CCDC85A: variants seen among roughly 807,000 people sequenced by gnomAD.
CCDC85A encodes coiled-coil domain containing 85A.
CCDC85A carries 38 observed loss-of-function variants against 50.2 expected under a neutral mutation model. The observed-to-expected ratio is 0.76, with a 90% CI of 0.58 to 0.99. CCDC85A has a LOEUF of 0.99. CCDC85A is among the 50% of genes least tolerant of loss of function. The pLI, the probability that CCDC85A is intolerant of heterozygous loss-of-function variation, is 0.00. For synonymous variants in CCDC85A, 366 were observed against 301.4 expected (o/e 1.21, Z -2.22); for missense variants, 820 against 742.0 (o/e 1.11, Z -1.22).
At chr2:56,368,844 A>G (rs1558662446) in intron 3 of CCDC85A, among the ~76,000 whole-genome samples, 1 of 151,928 alleles carries the variant, frequency 6.6e-6, no homozygotes, top group Non-Finnish European at 1.5e-5. Flanking sequence ...ATGTACATAT[A>G]TGTATATGTA....
At chr2:56,225,203 T>A in intron 2 of CCDC85A, among the ~76,000 whole-genome samples, 1 of 152,036 alleles carries the variant, frequency 6.6e-6, no homozygotes, top group East Asian at 1.9e-4. Context: ...GGTGGGCAGA[T>A]CACGAGGTCA....
chr2:56,365,078 C>T (rs1409520895), intron 3 of CCDC85A, among the ~76,000 whole-genome samples: 1 of 152,182 alleles, frequency 6.6e-6, no homozygotes, highest in East Asian at 1.9e-4. Context: ...TTTTGCTACT[C>T]TGGGCCTCAT....
In CCDC85A at chr2:56,362,011, G is replaced by A. The variant is rs531232931; in HGVS notation, c.1318-10333G>A. Among the ~76,000 whole-genome samples the A allele has an allele frequency of 2.0e-5, 3 of 152,200 alleles. No homozygotes were observed. The South Asian group carries it at 6.2e-4, about 32-fold the overall frequency. On this transcript the variant is annotated intron_variant, in intron 3 of 5. Transcript: ENST00000407595. ...TGAGGAGGGGTTAGACTCACAGTGTGTTTTCAAGTAGAGCTAAGGGTGCTT... is the reference window on the plus strand; with the variant it reads ...TGAGGAGGGGTTAGACTCACAGTGTATTTTCAAGTAGAGCTAAGGGTGCTT...
At chr2:56,351,304 A>G (rs1305305236) in intron 3 of CCDC85A, among the ~76,000 whole-genome samples, 1 of 151,908 alleles carries the variant, frequency 6.6e-6, no homozygotes, top group African/African-American at 2.4e-5. Context: ...TAGTGCCGCA[A>G]TAAACATACG....
At chr2:56,346,492 T>C (rs569971608) in intron 3 of CCDC85A, among the ~76,000 whole-genome samples, 49 of 152,316 alleles carry the variant, frequency 3.2e-4, no homozygotes, top group African/African-American at 1.2e-3. Context: ...TGATGGAGCC[T>C]CTGTACAGCC....
chr2:56,347,169 A>G (rs188758832), intron 3 of CCDC85A, among the ~76,000 whole-genome samples: 2 of 152,208 alleles, frequency 1.3e-5, no homozygotes, highest in African/African-American at 4.8e-5. Flanking sequence ...AGAATCATCA[A>G]TTTCCAGAGC....
In CCDC85A at chr2:56,192,595, A is replaced by G; in HGVS notation, c.395A>G (p.Tyr132Cys). The change falls in exon 2 of 6, where the codon TAC becomes TGC. Residue 132 changes from tyrosine (Y) to cysteine (C), a missense_variant. Tyr to Cys is a radical substitution (Grantham distance 194). Transcript: ENST00000407595. The surrounding 1 kb of genome is among the most constrained non-coding windows in gnomAD (Gnocchi z 4.7). Reference protein sequence around the residue: ...VSREWQRLGRYTAGVMHKEVA... With the variant: ...VSREWQRLGRCTAGVMHKEVA... ...CGGGAGTGGCAGAGACTGGGTCGCT[A>G]CACTGCCGGGGTGATGCACAAGGAA... 1 of 1,613,898 alleles carries G rather than the reference A, an allele frequency of 6.2e-7. No individual in the cohort carries two copies. Among genetic ancestry groups the G allele is most frequent in the Non-Finnish European group, 8.5e-7 (1 of 1,179,844 alleles).
At chr2:56,370,135 T>C (rs1676001459) in intron 3 of CCDC85A, among the ~76,000 whole-genome samples, 1 of 152,144 alleles carries the variant, frequency 6.6e-6, no homozygotes, top group Non-Finnish European at 1.5e-5. Flanking sequence ...AGTGACGATC[T>C]TAAGACTGTT....
chr2:56,208,075 A>G (rs1444206305), intron 2 of CCDC85A, among the ~76,000 whole-genome samples: 1 of 152,142 alleles, frequency 6.6e-6, no homozygotes, highest in Non-Finnish European at 1.5e-5. Context: ...TTATAAAAAT[A>G]TGTTATATTG....
chr2:56,344,772 A>C (rs1674551008), intron 3 of CCDC85A, among the ~76,000 whole-genome samples: 1 of 152,128 alleles, frequency 6.6e-6, no homozygotes, highest in South Asian at 2.1e-4. Flanking sequence ...TACAAAATCT[A>C]GTTAGTTTAT....
At chr2:56,330,844 C>A (rs538852432) in intron 2 of CCDC85A, among the ~76,000 whole-genome samples, 1 of 152,204 alleles carries the variant, frequency 6.6e-6, no homozygotes, top group East Asian at 1.9e-4. Flanking sequence ...AATAGAACTA[C>A]CATTTGATCT....
chr2:56,377,956 G>A (rs1573374185), intron 5 of CCDC85A, among the ~76,000 whole-genome samples: 1 of 152,022 alleles, frequency 6.6e-6, no homozygotes, highest in East Asian at 1.9e-4. Flanking sequence ...GTACACATAA[G>A]TGTCCTTGGT....
intron 2 of CCDC85A, among the ~76,000 whole-genome samples, chr2:56,210,325 G>C (rs1000329213): frequency 9.2e-5 from 14 of 152,076 alleles, no homozygotes; most frequent in African/African-American, 3.4e-4. Flanking sequence ...TGGTAAACTG[G>C]AAGGTCACCT....
chr2:56,375,780 T>C, intron 4 of CCDC85A, 36 bp from the exon 5 acceptor site: 1 of 1,607,422 alleles, frequency 6.2e-7, no homozygotes, highest in Non-Finnish European at 8.5e-7. Flanking sequence ...TAAACGACTT[T>C]TGTTTTAATA....
intron 5 of CCDC85A, among the ~76,000 whole-genome samples, chr2:56,381,287 C>T (rs1175750512): frequency 6.6e-6 from 1 of 152,000 alleles, no homozygotes; most frequent in South Asian, 2.1e-4. Flanking sequence ...GAATATTTCC[C>T]TCAGATAAAT....
rs147122041 is a variant in CCDC85A, at chr2:56,253,848, G to A, written c.1240+60408G>A. Among the ~76,000 whole-genome samples the A allele has an allele frequency of 7.9e-5, 12 of 152,268 alleles. No individual in the cohort carries two copies. The East Asian group carries it at 2.3e-3, about 29-fold the overall frequency. On this transcript the variant is annotated intron_variant, in intron 2 of 5. Coordinates refer to ENST00000407595, the MANE Select transcript of CCDC85A (RefSeq NM_001080433.2). ...GGGATGCCAGTTGCTGAGATTGTGT[G>A]CTAGCTTAAATAAAATGTTTCCTCA... is the stretch of plus-strand genomic sequence containing the variant.
intron 2 of CCDC85A, among the ~76,000 whole-genome samples, chr2:56,253,942 A>G (rs1302816367): frequency 6.6e-6 from 1 of 152,122 alleles, no homozygotes; most frequent in Non-Finnish European, 1.5e-5. Flanking sequence ...ATTGGCTTTG[A>G]TGGCTATGAG....
chr2:56,252,639 C>G (rs967019575), intron 2 of CCDC85A, among the ~76,000 whole-genome samples: 2 of 152,022 alleles, frequency 1.3e-5, no homozygotes, highest in African/African-American at 4.8e-5. Flanking sequence ...GTTTGCTGCA[C>G]CCATCAACCC....
rs574669424 is a variant in CCDC85A, at chr2:56,330,438, T to C, written c.1241-12441T>C. ...AGAAATTTAACTGCATCTTGAATAA[T>C]TGCTTCAAACTGTCCTGGGAGCACA... On this transcript the variant is annotated intron_variant, in intron 2 of 5. Coordinates refer to ENST00000407595, the MANE Select transcript of CCDC85A (RefSeq NM_001080433.2). Among the ~76,000 whole-genome samples the C allele has an allele frequency of 4.6e-5, 7 of 152,318 alleles. No homozygotes were observed. In the East Asian group the frequency reaches 1.3e-3, roughly 29 times the overall value.
Sources: gnomAD v4.1 joint callset for allele counts (sites outside exome capture counted in the v4.1 genomes callset) on GRCh38, gnomAD v4.1.1 for gene constraint, Gnocchi (gnomAD v3.1) non-coding constraint, MANE v1.5 for transcripts, NCBI Gene and HGNC (gene_info 2026-07-23, HGNC 2026-07-21) for gene names.